The following TRRAP variants were observed in gnomAD, a reference collection of about 807,000 sequenced individuals.
TRRAP encodes transformation/transcription domain associated protein.
Under a neutral mutation model 438.8 loss-of-function variants are expected in TRRAP, and 41 were observed. The ratio of observed to expected loss-of-function variants is 0.09; its 90% CI spans 0.07 to 0.12. The LOEUF (loss-of-function observed/expected upper bound fraction) is 0.12. Among genes scored for constraint, TRRAP ranks in the 10% least tolerant of loss-of-function variants. The probability of loss-of-function intolerance (pLI) is 1.00; values close to 1 mark genes in which losing one functional copy is unlikely to be tolerated. For missense variants in TRRAP, 3,122 were observed against 5,055.1 expected, an observed-to-expected ratio of 0.62 and a Z score of 11.60; for synonymous variants, 1,994 against 1,962.9, an observed-to-expected ratio of 1.02 and a Z score of -0.42.
intron 35 of TRRAP, 66 bp from the exon 36 acceptor site, chr7:98,949,351 C>A: frequency 1.4e-6 from 2 of 1,414,392 alleles, no homozygotes; most frequent in South Asian, 1.9e-5. Flanking sequence ...ATTTAACATT[C>A]ATATCCTCTA....
At chr7:98,886,449 T>G (rs111498031) in intron 3 of TRRAP, among the ~76,000 whole-genome samples, 21,651 of 148,964 alleles carry the variant, frequency 0.15, 5,218 homozygotes, top group African/African-American at 0.51. Context: ...GATATCTAGA[T>G]AGATATAGAT....
chr7:98,898,112 G>C (rs1227584773), intron 8 of TRRAP, among the ~76,000 whole-genome samples: 31 of 152,200 alleles, frequency 2.0e-4, no homozygotes, highest in Admixed American at 7.2e-4. Context: ...GGGAAGAGCA[G>C]CAGACCAGGT....
chr7:98,907,028 A>G (rs1410301422), intron 13 of TRRAP, among the ~76,000 whole-genome samples: 2 of 151,994 alleles, frequency 1.3e-5, no homozygotes, highest in African/African-American at 2.4e-5. Flanking sequence ...TAAAAAAAAA[A>G]AAAAAGTAGT....
chr7:98,960,083 A>G (rs763128876), intron 45 of TRRAP, among the ~76,000 whole-genome samples: 3 of 152,042 alleles, frequency 2.0e-5, no homozygotes, highest in Non-Finnish European at 4.4e-5. Flanking sequence ...AAACTTACCT[A>G]CCAGTTGGCT....
chr7:98,931,932 A>G (rs1011248269), intron 26 of TRRAP, among the ~76,000 whole-genome samples: 11 of 145,288 alleles, frequency 7.6e-5, no homozygotes, highest in African/African-American at 2.8e-4. Context: ...TTTTATTTTC[A>G]TTTTTTTTTT....
At position 98,931,546 on chromosome 7, in the gene TRRAP, T is replaced by G; in HGVS notation, c.3733T>G (p.Leu1245Val). The G allele has an allele frequency of 6.2e-7, 1 of 1,614,178 alleles. No individual in the cohort carries two copies. The highest frequency in any genetic ancestry group is 8.5e-7 in the Non-Finnish European group (1 of 1,180,036). Residue 1245 changes from leucine (L) to valine (V), a missense_variant, in exon 26 of 73, where the codon TTG becomes GTG. Leu to Val is a conservative substitution (Grantham distance 32, BLOSUM62 1). Coordinates refer to ENST00000456197, the MANE Select transcript of TRRAP (RefSeq NM_001375524.1). The part of the protein sequence containing the change: ...EKSFHHVTHD[L>V]VREVTSPNST... Reference sequence around the variant, plus strand: ...GTCTTTCCACCATGTGACACACGACTTGGTTCGAGAAGTCACCTCTCCAAA... The same window carrying G: ...GTCTTTCCACCATGTGACACACGACGTGGTTCGAGAAGTCACCTCTCCAAA...
intron 22 of TRRAP, among the ~76,000 whole-genome samples, chr7:98,926,933 C>T (rs554150650): frequency 7.2e-5 from 11 of 152,136 alleles, no homozygotes; most frequent in African/African-American, 1.4e-4. Flanking sequence ...GCAGGAGAAT[C>T]GCATGAACCT....
intron 26 of TRRAP, among the ~76,000 whole-genome samples, chr7:98,932,262 C>T (rs1030557259): frequency 1.3e-5 from 2 of 151,966 alleles, no homozygotes; most frequent in African/African-American, 2.4e-5. Context: ...TACAGGTGCC[C>T]ACCACCACAC....
intron 14 of TRRAP, 57 bp downstream of exon 14, chr7:98,909,019 A>ATTTT (rs879955419): frequency 6.9e-5 from 75 of 1,090,844 alleles, no homozygotes; most frequent in Non-Finnish European, 8.0e-5. Flanking sequence ...TTGTGGCTAA[A>ATTTT]TTTTTTTTTT....
intron 29 of TRRAP, 21 bp downstream of exon 29, chr7:98,937,298 G>T: frequency 6.2e-7 from 1 of 1,603,698 alleles, no homozygotes; most frequent in Non-Finnish European, 8.5e-7. Flanking sequence ...GTGCGTGCGT[G>T]TATGCGCACG....
rs371828447 is a variant in TRRAP at position 98,953,402 on chromosome 7, A to G, written c.5699A>G (p.Lys1900Arg). 22 of 1,612,684 alleles carry G rather than the reference A, an allele frequency of 1.4e-5. No individual in the cohort carries two copies. Among genetic ancestry groups the G allele is most frequent in the Non-Finnish European group, 1.9e-5 (22 of 1,180,020 alleles). The stretch of plus-strand genomic sequence containing the variant: ...TTGCTCCTGGCGCACATTATCGCCA[A>G]ATTCGCCATACACAAGAAGATCGTC... ...GHLLLAHIIAKFAIHKKIVLQ... is the reference protein window; with the variant it reads ...GHLLLAHIIARFAIHKKIVLQ... Residue 1900 changes from lysine to arginine, a missense_variant, in exon 40 of 73, where the codon AAA becomes AGA. By Grantham distance (26) the Lys-to-Arg change is conservative. Around this residue, in one of 24 missense-constraint regions of TRRAP, gnomAD observed 22 missense variants for 28.8 expected, o/e 0.76. Coordinates refer to ENST00000456197, the MANE Select transcript of TRRAP (RefSeq NM_001375524.1).
intron 62 of TRRAP, among the ~76,000 whole-genome samples, chr7:98,985,971 C>T (rs956852672): frequency 5.3e-5 from 8 of 152,176 alleles, no homozygotes; most frequent in Admixed American, 4.6e-4. Context: ...TTTCTCTTGA[C>T]AACTACTAAT....
At position 98,931,655 on chromosome 7, in the gene TRRAP, C is replaced by T; in HGVS notation, c.3842C>T (p.Pro1281Leu). The change falls in exon 26 of 73, where the codon CCC becomes CTC. Residue 1281 changes from proline (P) to leucine (L), a missense_variant. Physicochemically the swap from Pro to Leu is moderately conservative, Grantham distance 98. Coordinates refer to ENST00000456197, the MANE Select transcript of TRRAP (RefSeq NM_001375524.1). ...TGKSVTVIME[P>L]HKEVLQDMVP... ...AAGAGTGTCACGGTGATCATGGAAC[C>T]CCACAAAGAGGTGAGATTTCTGTCA... 2 of 1,612,126 alleles carry T rather than the reference C, an allele frequency of 1.2e-6. No individual in the cohort carries two copies. Among genetic ancestry groups the T allele is most frequent in the Non-Finnish European group, 1.7e-6 (2 of 1,178,316 alleles).
chr7:98,969,714 C>T (rs986966896), intron 51 of TRRAP, among the ~76,000 whole-genome samples: 1 of 146,670 alleles, frequency 6.8e-6, no homozygotes, highest in Non-Finnish European at 1.5e-5. Flanking sequence ...GGGAAGCCTA[C>T]ACTGTCGCCT....
chr7:98,948,697 G>C lies in TRRAP; in HGVS notation c.4788+12G>C. The C allele has an allele frequency of 4.3e-6, 7 of 1,614,064 alleles. No individual in the cohort carries two copies. The highest frequency in any genetic ancestry group is 5.9e-6 in the Non-Finnish European group (7 of 1,179,970). On this transcript the variant is annotated intron_variant, in intron 35 of 72. Transcript: ENST00000456197. The surrounding 1 kb of genome is among the most constrained non-coding windows in gnomAD (Gnocchi z 4.9). ...GCAGAATGTTTATGGTAAGAGCTGT[G>C]AGCAGCTGGAGTCAGGGGTCCCTTC...
chr7:98,907,018 TAAA>T (rs782153890), intron 13 of TRRAP, among the ~76,000 whole-genome samples: 5 of 141,310 alleles, frequency 3.5e-5, no homozygotes, highest in African/African-American at 5.2e-5. Flanking sequence ...TTCTTACACT[TAAA>T]AAAAAAAAAA....
intron 52 of TRRAP, 86 bp downstream of exon 52, chr7:98,970,377 A>G (rs1409313364): frequency 6.9e-6 from 10 of 1,446,114 alleles, no homozygotes; most frequent in South Asian, 1.3e-5. Context: ...AGGAGGTGAG[A>G]CCCCGTGCCC....
chr7:98,937,324 A>ATG, intron 29 of TRRAP, 47 bp downstream of exon 29: 1 of 1,480,380 alleles, frequency 6.8e-7, no homozygotes, highest in Non-Finnish European at 9.1e-7. Context: ...GTGCACACAC[A>ATG]TGTGTGTGTA....
intron 33 of TRRAP, among the ~76,000 whole-genome samples, chr7:98,947,538 C>T (rs1208879894): frequency 6.6e-6 from 1 of 151,976 alleles, no homozygotes; most frequent in Non-Finnish European, 1.5e-5. Context: ...TCACTGTAAC[C>T]TCCGCCTCCT....
Sources: gnomAD v4.1 joint callset for allele counts (sites outside exome capture counted in the v4.1 genomes callset) on GRCh38, gnomAD v4.1.1 for gene constraint, gnomAD v4.1.1 regional missense constraint, Gnocchi (gnomAD v3.1) non-coding constraint, MANE v1.5 for transcripts, NCBI Gene and HGNC (gene_info 2026-07-23, HGNC 2026-07-21) for gene names.